The following RANBP2 variants were observed in gnomAD, a reference collection of about 807,000 sequenced individuals.
The protein encoded by RANBP2 is E3 SUMO-protein ligase RanBP2.
Under a neutral mutation model 303.6 loss-of-function variants are expected in RANBP2, and 57 were observed. The observed-to-expected ratio is 0.19, with a 90% confidence interval of 0.15 to 0.23. The LOEUF (loss-of-function observed/expected upper bound fraction) is 0.23. Among genes scored for constraint, RANBP2 ranks in the 10% least tolerant of loss-of-function variants. The pLI is 1.00. For missense variants in RANBP2, 3,138 were observed against 3,780.8 expected, an observed-to-expected ratio of 0.83 and a Z score of 4.46; for synonymous variants, 1,167 against 1,301.5, an observed-to-expected ratio of 0.90 and a Z score of 2.23.
At chr2:109,761,568 G>A in the RANBP2 span, among the ~76,000 whole-genome samples, 2 of 148,456 alleles carry the variant, frequency 1.3e-5, no homozygotes, top group Admixed American at 6.9e-5. Flanking sequence ...GCTGGAAGCA[G>A]TTTAATTCCA....
At chr2:109,102,268 T>G in the RANBP2 span, among the ~76,000 whole-genome samples, 111 of 151,870 alleles carry the variant, frequency 7.3e-4, no homozygotes, top group Middle Eastern at 0.01. Context: ...GCCTGGCCAA[T>G]TTTTTGTATT....
At chr2:109,513,318 T>G in the RANBP2 span, among the ~76,000 whole-genome samples, 1 of 150,346 alleles carries the variant, frequency 6.7e-6, no homozygotes, top group Non-Finnish European at 1.5e-5. Context: ...ATGCATATAC[T>G]CCACATGCAC....
the RANBP2 span, among the ~76,000 whole-genome samples, chr2:109,309,981 C>G: frequency 1.5e-4 from 19 of 126,198 alleles, 1 homozygote; most frequent in East Asian, 3.6e-3. Context: ...CAGCTCTGCA[C>G]CAGGTGGACC....
At position 108,785,259 on chromosome 2, in the gene RANBP2, C is replaced by G. The variant is rs968498274; in HGVS notation, c.*1358C>G. The G allele has an allele frequency of 3.3e-5, 5 of 152,122 alleles. No homozygotes were observed. The highest frequency in any genetic ancestry group is 7.4e-5 in the Non-Finnish European group (5 of 68,024). 9.4% of individuals were successfully genotyped at this position (152,122 alleles called of 1,614,324 possible). On this transcript the variant is annotated 3_prime_UTR_variant, in exon 29 of 29. Transcript: ENST00000283195. ...TGAGTGATGGTATACCATCACCATTCCACTCGGCCACAAAGCCAGATACTT... is the reference window on the plus strand; with the variant it reads ...TGAGTGATGGTATACCATCACCATTGCACTCGGCCACAAAGCCAGATACTT...
At chr2:109,689,031 C>T in the RANBP2 span, among the ~76,000 whole-genome samples, 1 of 151,532 alleles carries the variant, frequency 6.6e-6, no homozygotes, top group Non-Finnish European at 1.5e-5. Flanking sequence ...CTCAGCCTCC[C>T]GAGTAGGTGG....
chr2:109,410,442 G>A, the RANBP2 span, among the ~76,000 whole-genome samples: 4 of 152,224 alleles, frequency 2.6e-5, no homozygotes, highest in African/African-American at 7.2e-5. Context: ...CACCCAGGGG[G>A]CAGCATCAGC....
the RANBP2 span, among the ~76,000 whole-genome samples, chr2:109,644,124 A>C: frequency 0.11 from 6,672 of 58,966 alleles, 156 homozygotes; most frequent in South Asian, 0.24. Context: ...CTGTCTCAAA[A>C]AAAAAAACAA....
At chr2:109,634,602 T>C in the RANBP2 span, among the ~76,000 whole-genome samples, 1 of 152,224 alleles carries the variant, frequency 6.6e-6, no homozygotes, top group Non-Finnish European at 1.5e-5. Context: ...TAAAGAACTA[T>C]ACTGGGGCTG....
the RANBP2 span, among the ~76,000 whole-genome samples, chr2:109,133,285 A>G: frequency 6.6e-6 from 1 of 152,226 alleles, no homozygotes; most frequent in Non-Finnish European, 1.5e-5. Context: ...TGTATTTTGT[A>G]TCTTGAGGTA....
the RANBP2 span, among the ~76,000 whole-genome samples, chr2:109,413,336 A>T: frequency 6.6e-6 from 1 of 151,980 alleles, no homozygotes; most frequent in African/African-American, 2.4e-5. Flanking sequence ...CTGGTCTCGA[A>T]CTCCTGACCT....
chr2:109,054,987 A>AT, the RANBP2 span, among the ~76,000 whole-genome samples: 5 of 151,198 alleles, frequency 3.3e-5, no homozygotes, highest in East Asian at 2.0e-4. Flanking sequence ...ACACATCCTG[A>AT]TTTTTTTTTC....
At chr2:108,813,522 T>G in the RANBP2 span, among the ~76,000 whole-genome samples, 3 of 152,338 alleles carry the variant, frequency 2.0e-5, no homozygotes, top group South Asian at 6.2e-4. Context: ...TAGTATGTTT[T>G]GACACTCCAC....
the RANBP2 span, among the ~76,000 whole-genome samples, chr2:109,541,178 G>A: frequency 0.019 from 2,831 of 152,286 alleles, 100 homozygotes; most frequent in African/African-American, 0.063. Flanking sequence ...TGATTTACCT[G>A]TGTGACTGGG....
chr2:109,318,098 C>T, the RANBP2 span, among the ~76,000 whole-genome samples: 1 of 103,942 alleles, frequency 9.6e-6, no homozygotes, highest in African/African-American at 5.6e-5. Flanking sequence ...AATTTCAGTA[C>T]GCAAAAAAAA....
At chr2:109,357,708 G>C in the RANBP2 span, among the ~76,000 whole-genome samples, 5 of 152,168 alleles carry the variant, frequency 3.3e-5, no homozygotes. Context: ...GGGCACTGTA[G>C]TTTGCTCATT....
At chr2:109,128,056 C>T in the RANBP2 span, 1 of 152,252 alleles carries the variant, frequency 6.6e-6, no homozygotes, top group South Asian at 2.1e-4. Flanking sequence ...GATGTTAGCC[C>T]TGACTGAACT....
chr2:109,047,910 C>A, the RANBP2 span, among the ~76,000 whole-genome samples: 1 of 152,370 alleles, frequency 6.6e-6, no homozygotes, highest in Admixed American at 6.5e-5. Context: ...TTTTTAGGTG[C>A]TTCTCCACAG....
the RANBP2 span, among the ~76,000 whole-genome samples, chr2:109,042,668 A>G: frequency 6.6e-6 from 1 of 152,194 alleles, no homozygotes; most frequent in South Asian, 2.1e-4. Flanking sequence ...AGTCCCTCAA[A>G]CAGATTTAAA....
At chr2:108,744,146 A>G (rs1294148311) in intron 7 of RANBP2, among the ~76,000 whole-genome samples, 2 of 152,206 alleles carry the variant, frequency 1.3e-5, no homozygotes, top group Non-Finnish European at 2.9e-5. Context: ...GCTCACGCCT[A>G]TGATCTTAGC....
Sources: gnomAD v4.1 joint callset for allele counts (sites outside exome capture counted in the v4.1 genomes callset) on GRCh38, gnomAD v4.1.1 for gene constraint, MANE v1.5 for transcripts, NCBI Gene and HGNC (gene_info 2026-07-23, HGNC 2026-07-21) for gene names.